RAF1: variants seen among roughly 807,000 people sequenced by gnomAD.
RAF1 encodes the protein RAF proto-oncogene serine/threonine-protein kinase.
RAF1 carries 27 observed loss-of-function variants against 81.1 expected under a neutral mutation model. The observed-to-expected ratio is 0.33, with a 90% CI of 0.25 to 0.46. The LOEUF is 0.46. RAF1 is among the 20% of genes least tolerant of loss of function. RAF1 has a pLI of 1.00. For synonymous variants in RAF1, 298 were observed against 294.0 expected (o/e 1.01, Z -0.14); for missense variants, 598 against 826.0 (o/e 0.72, Z 3.38).
chr3:12,660,157 G>A (rs2060829865), intron 1 of RAF1, among the ~76,000 whole-genome samples: 1 of 118,278 alleles, frequency 8.5e-6, no homozygotes, highest in Non-Finnish European at 1.8e-5. Context: ...AAGAGCAACT[G>A]TAATATAATA....
At chr3:12,616,426 T>G (rs1158804766) in intron 2 of RAF1, among the ~76,000 whole-genome samples, 2 of 152,166 alleles carry the variant, frequency 1.3e-5, no homozygotes, top group African/African-American at 4.8e-5. Flanking sequence ...TGAGAAACAG[T>G]AGGCAAAATT....
intron 1 of RAF1, among the ~76,000 whole-genome samples, chr3:12,619,461 G>C (rs1052164434): frequency 1.3e-5 from 2 of 151,844 alleles, no homozygotes; most frequent in African/African-American, 4.8e-5. Flanking sequence ...CTACTAGGGA[G>C]GCTGAGGCAG....
intron 6 of RAF1, among the ~76,000 whole-genome samples, chr3:12,604,646 T>C (rs972305438): frequency 1.3e-5 from 2 of 152,308 alleles, no homozygotes; most frequent in South Asian, 2.1e-4. Flanking sequence ...ATTAAGCTAG[T>C]TGGAACACGC....
At chr3:12,617,374 C>A (rs1331325759) in intron 2 of RAF1, among the ~76,000 whole-genome samples, 1 of 152,150 alleles carries the variant, frequency 6.6e-6, no homozygotes, top group East Asian at 1.9e-4. Flanking sequence ...CTCAGCCTCC[C>A]AAAGTGCTAG....
intron 1 of RAF1, among the ~76,000 whole-genome samples, chr3:12,647,235 G>A (rs13067900): frequency 0.12 from 18,446 of 150,098 alleles, 1,354 homozygotes; most frequent in Admixed American, 0.2. Flanking sequence ...GGCGAAGGCT[G>A]CAGTGAGCTG....
At chr3:12,651,902 G>C (rs1158570029) in intron 1 of RAF1, among the ~76,000 whole-genome samples, 1 of 150,990 alleles carries the variant, frequency 6.6e-6, no homozygotes, top group East Asian at 2.0e-4. Flanking sequence ...TCAGCTACTC[G>C]GGAGGCTGAG....
chr3:12,639,154 T>C (rs1479180998), intron 1 of RAF1, among the ~76,000 whole-genome samples: 1 of 152,112 alleles, frequency 6.6e-6, no homozygotes, highest in Non-Finnish European at 1.5e-5. Flanking sequence ...AGAAAAGGCC[T>C]TCAACAAAAT....
At chr3:12,661,457 G>A (rs1050116003) in intron 1 of RAF1, among the ~76,000 whole-genome samples, 26 of 151,118 alleles carry the variant, frequency 1.7e-4, no homozygotes, top group Admixed American at 6.6e-4. Context: ...TAATCCCAGC[G>A]AGGCCGTGGG....
intron 11 of RAF1, among the ~76,000 whole-genome samples, chr3:12,594,084 T>G (rs2125357177): frequency 6.6e-6 from 1 of 152,230 alleles, no homozygotes; most frequent in South Asian, 2.1e-4. Flanking sequence ...TAGTAAACTC[T>G]AGGGTAGGAT....
chr3:12,627,189 A>C (rs753863800), intron 1 of RAF1, among the ~76,000 whole-genome samples: 1 of 152,196 alleles, frequency 6.6e-6, no homozygotes, highest in African/African-American at 2.4e-5. Flanking sequence ...CAGAGAAGAC[A>C]TAGTGTATTC....
intron 13 of RAF1, chr3:12,589,793 G>GTT (rs113683287): frequency 0.016 from 2,149 of 138,558 alleles, 27 homozygotes; most frequent in African/African-American, 0.04. Flanking sequence ...GTTTTTTTGG[G>GTT]TTTTTTTTTT....
intron 11 of RAF1, among the ~76,000 whole-genome samples, chr3:12,592,872 A>G (rs2058562677): frequency 6.6e-6 from 1 of 150,652 alleles, no homozygotes; most frequent in Admixed American, 6.7e-5. Flanking sequence ...AGTAGCTGGG[A>G]CTACAGGCAC....
intron 11 of RAF1, among the ~76,000 whole-genome samples, chr3:12,597,378 T>C (rs941087841): frequency 1.3e-5 from 2 of 152,164 alleles, no homozygotes; most frequent in African/African-American, 4.8e-5. Flanking sequence ...CAAATGAAAG[T>C]GCGCAACCAG....
intron 1 of RAF1, among the ~76,000 whole-genome samples, chr3:12,649,589 TCACACACACA>T (rs3072126): frequency 0.22 from 33,245 of 150,386 alleles, 4,029 homozygotes; most frequent in African/African-American, 0.33. Flanking sequence ...CCAGAGACTG[TCACACACACA>T]CACACACACA....
At chr3:12,645,774 T>C (rs1416521577) in intron 1 of RAF1, among the ~76,000 whole-genome samples, 1 of 152,108 alleles carries the variant, frequency 6.6e-6, no homozygotes, top group East Asian at 1.9e-4. Flanking sequence ...GGTGTCTCAC[T>C]ATGTTGCCCA....
chr3:12,591,117 G>T (rs1054413834), intron 12 of RAF1, 143 bp from the exon 12 acceptor site: 2 of 738,850 alleles, frequency 2.7e-6, no homozygotes, highest in Admixed American at 5.8e-5. Flanking sequence ...ACAAACACAT[G>T]GCACGGCTGA....
intron 1 of RAF1, among the ~76,000 whole-genome samples, chr3:12,630,253 C>T (rs981274040): frequency 6.6e-6 from 1 of 152,164 alleles, no homozygotes; most frequent in African/African-American, 2.4e-5. Flanking sequence ...CTTTTATTAG[C>T]TGTATGGCCT....
rs1211209166 is a variant in RAF1 at position 12,590,419 on chromosome 3, T to C, written c.1430+379A>G. 2.6e-5 allele frequency: 3 copies of C among 114,548 alleles called. No individual in the cohort carries two copies. In the African/African-American group the frequency reaches 2.7e-4, roughly 10 times the overall value. The allele number at this position is 114,548 out of a possible 1,614,324, so 7.1% of individuals were successfully genotyped here. A position where few individuals can be genotyped will look rare whatever the true frequency, so the allele number is the denominator to read the frequency against. ...GCTCCCCGCAACCTCTGCTTTCCAA[T>C]GTTCAAGCGATTCTCCCTGTCCCAG... On this transcript the variant is annotated intron_variant, in intron 13 of 17. Transcript: ENST00000442415.
At chr3:12,607,000 T>C (rs1047583372) in intron 5 of RAF1, among the ~76,000 whole-genome samples, 1 of 152,200 alleles carries the variant, frequency 6.6e-6, no homozygotes, top group Non-Finnish European at 1.5e-5. Flanking sequence ...CCAGTGTGCA[T>C]TTCTAGGAAA....
Sources: gnomAD v4.1 joint callset for allele counts (sites outside exome capture counted in the v4.1 genomes callset) on GRCh38, gnomAD v4.1.1 for gene constraint, MANE v1.5 for transcripts, NCBI Gene and HGNC (gene_info 2026-07-23, HGNC 2026-07-21) for gene names.